NFXL1: variants seen among roughly 807,000 people sequenced by gnomAD.
NFXL1 encodes nuclear transcription factor, X-box binding like 1.
Under a neutral mutation model 123.3 loss-of-function variants are expected in NFXL1, and 66 were observed. That is an observed-to-expected ratio of 0.54 (90% CI 0.44 to 0.66). The LOEUF is 0.66. Ranked by LOEUF, NFXL1 falls within the 30% of genes least tolerant of loss-of-function variation. The pLI, the probability that NFXL1 is intolerant of heterozygous loss-of-function variation, is 0.00. For missense variants in NFXL1, 944 were observed against 1,125.6 expected (o/e 0.84, Z 2.31); for synonymous variants, 346 against 360.8 (o/e 0.96, Z 0.46).
At chr4:47,901,187 T>G (rs1054651694) in intron 5 of NFXL1, among the ~76,000 whole-genome samples, 4 of 152,224 alleles carry the variant, frequency 2.6e-5, no homozygotes, top group Admixed American at 6.5e-5. Flanking sequence ...GAAACCTATA[T>G]TTTAAATTTT....
chr4:47,850,775 G>A (rs1734072058), intron 22 of NFXL1, among the ~76,000 whole-genome samples: 2 of 151,988 alleles, frequency 1.3e-5, no homozygotes, highest in African/African-American at 4.8e-5. Context: ...GCCTTACAAT[G>A]GTGATGATTC....
chr4:47,912,041 T>C (rs886833386), intron 2 of NFXL1, among the ~76,000 whole-genome samples: 2 of 152,212 alleles, frequency 1.3e-5, no homozygotes, highest in Non-Finnish European at 2.9e-5. Flanking sequence ...TATTCGTACT[T>C]GATTATGTTC....
intron 18 of NFXL1, among the ~76,000 whole-genome samples, chr4:47,866,471 A>G (rs1735085380): frequency 6.6e-6 from 1 of 152,212 alleles, no homozygotes. Flanking sequence ...ACTATAAAAA[A>G]CTACTATAGA....
At chr4:47,849,772 C>T (rs1734011664) in intron 22 of NFXL1, among the ~76,000 whole-genome samples, 1 of 151,848 alleles carries the variant, frequency 6.6e-6, no homozygotes, top group Admixed American at 6.6e-5. Context: ...TTCTAGGATC[C>T]CCTTGGATAT....
rs373323033 is a variant in NFXL1 at position 47,890,554 on chromosome 4, GA to G, written c.1543+58del. Reference sequence around the variant, plus strand: ...ATACATTATATTGAATATTGACAATGAAAAAAAAAACCACTACATCACTACA... The same window carrying G: ...ATACATTATATTGAATATTGACAATGAAAAAAAAACCACTACATCACTACA... On this transcript the variant is annotated intron_variant, in intron 12 of 22. Coordinates refer to ENST00000507489, the MANE Select transcript of NFXL1 (RefSeq NM_001278624.2). The G allele has an allele frequency of 1.2e-3, 955 of 788,688 alleles. 1 individual carries two copies. Among genetic ancestry groups the G allele is most frequent in the African/African-American group, 3.2e-3 (177 of 55,160 alleles). 48.9% of individuals were successfully genotyped at this position (788,688 alleles called of 1,614,324 possible). A position where few individuals can be genotyped will look rare whatever the true frequency, so the allele number is the denominator to read the frequency against.
intron 9 of NFXL1, among the ~76,000 whole-genome samples, chr4:47,897,730 C>A (rs1578034798): frequency 6.6e-6 from 1 of 152,210 alleles, no homozygotes; most frequent in South Asian, 2.1e-4. Context: ...TGAAAATCTT[C>A]TATGTCTCTC....
At chr4:47,879,025 CTAGTAA>C (rs1415460088) in intron 16 of NFXL1, 65 bp downstream of exon 16, 1 of 857,916 alleles carries the variant, frequency 1.2e-6, no homozygotes, top group Non-Finnish European at 1.8e-6. Context: ...TCTAACAACT[CTAGTAA>C]AGTTATACTA....
At chr4:47,887,878 G>A (rs1446672877) in intron 12 of NFXL1, among the ~76,000 whole-genome samples, 7 of 152,010 alleles carry the variant, frequency 4.6e-5, no homozygotes. Context: ...AAATAGCATA[G>A]GGAGACTATA....
rs150960815 is a variant in NFXL1, at chr4:47,872,529, C to T, written c.2246+2598G>A. 2.3e-3 allele frequency among the ~76,000 whole-genome samples: 349 copies of T among 151,658 alleles called. 4 individuals carry two copies. Among genetic ancestry groups the T allele is most frequent in the Middle Eastern group, 6.9e-3 (2 of 290 alleles). On this transcript the variant is annotated intron_variant, in intron 18 of 22. Coordinates refer to ENST00000507489, the MANE Select transcript of NFXL1 (RefSeq NM_001278624.2). ...CTACTGGCATAGCTCAGAGATATTG[C>T]AGGTTCAGTTCCAGACCACCTTAAT...
At chr4:47,893,529 T>G (rs1736902533) in intron 11 of NFXL1, among the ~76,000 whole-genome samples, 1 of 152,056 alleles carries the variant, frequency 6.6e-6, no homozygotes, top group Non-Finnish European at 1.5e-5. Context: ...AAATGCAAGC[T>G]AAAAGATAGT....
At chr4:47,866,776 T>C (rs1735104368) in intron 18 of NFXL1, among the ~76,000 whole-genome samples, 1 of 152,212 alleles carries the variant, frequency 6.6e-6, no homozygotes, top group South Asian at 2.1e-4. Context: ...CTAAACTGTA[T>C]AAATCAAATG....
intron 4 of NFXL1, among the ~76,000 whole-genome samples, chr4:47,904,967 G>T (rs1737499464): frequency 6.6e-6 from 1 of 152,136 alleles, no homozygotes; most frequent in African/African-American, 2.4e-5. Context: ...CTAAAGTACA[G>T]ATGCTAAAAA....
At chr4:47,892,002 G>A (rs1233235929) in intron 11 of NFXL1, among the ~76,000 whole-genome samples, 1 of 152,092 alleles carries the variant, frequency 6.6e-6, no homozygotes, top group Non-Finnish European at 1.5e-5. Flanking sequence ...AATACTATGT[G>A]CCTATCCTAT....
intron 9 of NFXL1, 26 bp downstream of exon 9, chr4:47,897,941 T>C (rs1243729806): frequency 3.9e-5 from 55 of 1,400,548 alleles, no homozygotes; most frequent in Non-Finnish European, 5.4e-5. Flanking sequence ...ATTTCCTATA[T>C]AAATATAAAA....
At chr4:47,866,345 C>A (rs1017575229) in intron 18 of NFXL1, among the ~76,000 whole-genome samples, 2 of 152,154 alleles carry the variant, frequency 1.3e-5, no homozygotes, top group African/African-American at 2.4e-5. Context: ...CTCAGTACCA[C>A]CCTCAAACGC....
intron 18 of NFXL1, among the ~76,000 whole-genome samples, chr4:47,870,160 A>C (rs993070293): frequency 6.6e-6 from 1 of 152,208 alleles, no homozygotes; most frequent in Admixed American, 6.5e-5. Context: ...AAAGCATAGA[A>C]AACCAAGGAA....
chr4:47,890,907 T>A (rs1374192372), intron 11 of NFXL1, among the ~76,000 whole-genome samples: 2 of 152,110 alleles, frequency 1.3e-5, no homozygotes, highest in East Asian at 3.8e-4. Flanking sequence ...CAAGCTAAAT[T>A]TTCCTGACTT....
chr4:47,875,287 G>A lies in NFXL1; in HGVS notation c.2086C>T (p.Pro696Ser), dbSNP rs1374566195. 3.7e-6 allele frequency: 6 copies of A among 1,607,454 alleles called. No individual in the cohort carries two copies. The highest frequency in any genetic ancestry group is 2.6e-6 in the Non-Finnish European group (3 of 1,176,318). ...CCTTCCTCACAATGAAGGCATTCTG[G>A]GCCAGCCTGAAAAACAGCATGGAAA... ...DGCTGKNKAG[P>S]ECLHCEEGCS... Residue 696 changes from proline (P) to serine (S), a missense_variant, in exon 18 of 23, where the codon CCA becomes TCA. Coordinates refer to ENST00000507489, the MANE Select transcript of NFXL1 (RefSeq NM_001278624.2).
In NFXL1 at chr4:47,847,764, T is replaced by G. The variant is rs1349736052; in HGVS notation, c.*399A>C. On this transcript the variant is annotated 3_prime_UTR_variant, in exon 23 of 23. Coordinates refer to ENST00000507489, the MANE Select transcript of NFXL1 (RefSeq NM_001278624.2). ...GTTAACAGTATCAAGAAAAGTACTC[T>G]ATCATAAGTAACCAAAACATTAAGA... 6.5e-6 allele frequency: 1 copy of G among 153,764 alleles called. No homozygotes were observed. The highest frequency in any genetic ancestry group is 6.5e-5 in the Admixed American group (1 of 15,308). The allele number at this position is 153,764 out of a possible 1,614,324, so 9.5% of individuals were successfully genotyped here. A position where few individuals can be genotyped will look rare whatever the true frequency, so the allele number is the denominator to read the frequency against.
Sources: allele counts gnomAD v4.1 joint callset (sites outside exome capture counted in the v4.1 genomes callset), GRCh38; gene constraint gnomAD v4.1.1; transcripts MANE v1.5; gene names NCBI Gene and HGNC (gene_info 2026-07-23, HGNC 2026-07-21).